SLIT1: variants seen among roughly 807,000 people sequenced by gnomAD.
The protein encoded by SLIT1 is slit guidance ligand 1.
SLIT1 carries 66 observed loss-of-function variants against 186.1 expected under a neutral mutation model. The ratio of observed to expected loss-of-function variants is 0.35; its 90% CI spans 0.29 to 0.44. The LOEUF (loss-of-function observed/expected upper bound fraction) is 0.44. SLIT1 is among the 20% of genes least tolerant of loss of function. The probability of loss-of-function intolerance (pLI) is 1.00; values close to 1 mark genes in which losing one functional copy is unlikely to be tolerated. For synonymous variants in SLIT1, 761 were observed against 833.8 expected (o/e 0.91, Z 1.50); for missense variants, 1,638 against 2,037.4 (o/e 0.80, Z 3.77).
intron 4 of SLIT1, among the ~76,000 whole-genome samples, chr10:97,141,025 T>C (rs1471010649): frequency 2.0e-5 from 3 of 152,122 alleles, no homozygotes; most frequent in African/African-American, 4.8e-5. Context: ...GAAACACCGC[T>C]TGGGTCGGCT....
rs1848504685 is a variant in SLIT1, at chr10:97,021,818, C to T, written c.2583-405G>A. Among the ~76,000 whole-genome samples, 1 of 152,314 alleles carries T rather than the reference C, an allele frequency of 6.6e-6. No individual in the cohort carries two copies. Among genetic ancestry groups the T allele is most frequent in the South Asian group, 2.1e-4 (1 of 4,822 alleles). On this transcript the variant is annotated intron_variant, in intron 25 of 36. Coordinates refer to ENST00000266058, the MANE Select transcript of SLIT1 (RefSeq NM_003061.3). This position sits in a 1 kb window ranked among gnomAD's most constrained non-coding sequence, Gnocchi z 4.5. Reference sequence around the variant, plus strand: ...ACTCAGGTTATCCACTCACCTCAGCCTCCCAAAGTGCTGGGATTACAGGCG... The same window carrying T: ...ACTCAGGTTATCCACTCACCTCAGCTTCCCAAAGTGCTGGGATTACAGGCG...
chr10:97,086,963 G>A (rs1454036374), intron 4 of SLIT1, among the ~76,000 whole-genome samples: 1 of 152,136 alleles, frequency 6.6e-6, no homozygotes, highest in Admixed American at 6.5e-5. Context: ...GTACGGCTCT[G>A]GTGGGGGATG....
At chr10:97,090,459 C>T (rs560474203) in intron 4 of SLIT1, among the ~76,000 whole-genome samples, 9 of 152,198 alleles carry the variant, frequency 5.9e-5, no homozygotes, top group South Asian at 2.1e-4. Context: ...GACTGGGTCA[C>T]GGAGAGCCTC....
intron 20 of SLIT1, 54 bp downstream of exon 20, chr10:97,042,847 C>T (rs1848701497): frequency 6.3e-7 from 1 of 1,581,978 alleles, no homozygotes; most frequent in Non-Finnish European, 8.6e-7. Context: ...TGCCCCACCC[C>T]ACTGGTTGGA....
chr10:97,081,113 G>C (rs1849100645), intron 4 of SLIT1, among the ~76,000 whole-genome samples: 1 of 152,222 alleles, frequency 6.6e-6, no homozygotes, highest in Non-Finnish European at 1.5e-5. Flanking sequence ...CAGACTCTTT[G>C]GGTTCTCCCG....
Position 97,004,033 on chromosome 10 carries a change from C to G in SLIT1, c.3865+35G>C, listed in dbSNP as rs1331339742. ...CTCTCCTGGCTGGCCTCAGGCCAGACAGCAAAAGAGGCCCCGCCAGGGCCA... is the reference window on the plus strand; with the variant it reads ...CTCTCCTGGCTGGCCTCAGGCCAGAGAGCAAAAGAGGCCCCGCCAGGGCCA... On this transcript the variant is annotated intron_variant, in intron 34 of 36. Coordinates refer to ENST00000266058, the MANE Select transcript of SLIT1 (RefSeq NM_003061.3). The surrounding 1 kb of genome is among the most constrained non-coding windows in gnomAD (Gnocchi z 5.1). 6.3e-7 allele frequency: 1 copy of G among 1,577,660 alleles called. No individual in the cohort carries two copies. The highest frequency in any genetic ancestry group is 8.7e-7 in the Non-Finnish European group (1 of 1,153,866).
chr10:97,053,998 T>C, intron 13 of SLIT1, among the ~76,000 whole-genome samples: 1 of 152,068 alleles, frequency 6.6e-6, no homozygotes, highest in East Asian at 1.9e-4. Flanking sequence ...TGTGTTTCTA[T>C]AAAGGAATAC....
At chr10:97,175,607 C>T (rs1362595760) in intron 1 of SLIT1, among the ~76,000 whole-genome samples, 1 of 152,126 alleles carries the variant, frequency 6.6e-6, no homozygotes, top group African/African-American at 2.4e-5. Flanking sequence ...GCTCTTAATC[C>T]CAACTCCATA....
chr10:97,010,869 C>G lies in SLIT1; in HGVS notation c.3341+124G>C, dbSNP rs1038614779. 5.5e-6 allele frequency: 5 copies of G among 909,732 alleles called. No homozygotes were observed. Among genetic ancestry groups the G allele is most frequent in the Non-Finnish European group, 6.6e-6 (4 of 601,656 alleles). The allele number at this position is 909,732 out of a possible 1,614,324, so 56.4% of individuals were successfully genotyped here. ...GTGACTGGCAGAGCCACGGTTAAAACCCCAGCATCCAACTTCCAGGCTCTG... is the reference window on the plus strand; with the variant it reads ...GTGACTGGCAGAGCCACGGTTAAAAGCCCAGCATCCAACTTCCAGGCTCTG... On this transcript the variant is annotated intron_variant, in intron 31 of 36. Transcript: ENST00000266058. This position sits in a 1 kb window ranked among gnomAD's most constrained non-coding sequence, Gnocchi z 4.8.
chr10:97,100,469 C>CA (rs368359881), intron 4 of SLIT1, among the ~76,000 whole-genome samples: 146 of 150,996 alleles, frequency 9.7e-4, no homozygotes, highest in African/African-American at 3.4e-3. Flanking sequence ...ACAAAAAATA[C>CA]AAAAAAAAGA....
chr10:97,045,818 C>T (rs983361765), intron 18 of SLIT1, among the ~76,000 whole-genome samples: 3 of 152,250 alleles, frequency 2.0e-5, no homozygotes, highest in African/African-American at 7.2e-5. Flanking sequence ...TGCTCAGAGA[C>T]AACTCTACAT....
At chr10:97,037,792 G>A (rs769433376) in intron 21 of SLIT1, 26 bp from the exon 22 acceptor site, 36 of 1,584,894 alleles carry the variant, frequency 2.3e-5, no homozygotes, top group Non-Finnish European at 1.7e-6. Flanking sequence ...AGCGGCGTTA[G>A]TGCCCATCTC....
chr10:97,083,879 A>T (rs1849129985), intron 4 of SLIT1, among the ~76,000 whole-genome samples: 1 of 152,160 alleles, frequency 6.6e-6, no homozygotes, highest in South Asian at 2.1e-4. Context: ...TCCGAGAATG[A>T]AGAGTGTGGT....
chr10:97,105,269 T>C (rs950064721), intron 4 of SLIT1, among the ~76,000 whole-genome samples: 4 of 152,186 alleles, frequency 2.6e-5, no homozygotes, highest in Non-Finnish European at 5.9e-5. Flanking sequence ...TGCAGGTAAG[T>C]TATTTGACAA....
chr10:97,042,839 C>A lies in SLIT1; in HGVS notation c.2164+62G>T. 1.9e-6 allele frequency: 3 copies of A among 1,556,802 alleles called. No homozygotes were observed. The South Asian group carries it at 3.6e-5, about 18-fold the overall frequency. On this transcript the variant is annotated intron_variant, in intron 20 of 36. Transcript: ENST00000266058. ...TGTCCACTCCCATCTTCCTCACCTG[C>A]CCCACCCCACTGGTTGGACCCAGGG...
At chr10:97,119,386 G>A (rs1343706417) in intron 4 of SLIT1, among the ~76,000 whole-genome samples, 3 of 152,180 alleles carry the variant, frequency 2.0e-5, no homozygotes, top group African/African-American at 7.2e-5. Context: ...CTGCCTCCGT[G>A]TTCTTCAATT....
intron 3 of SLIT1, among the ~76,000 whole-genome samples, chr10:97,161,901 C>A (rs2134724697): frequency 6.6e-6 from 1 of 152,276 alleles, no homozygotes; most frequent in East Asian, 1.9e-4. Context: ...TCTCTGTGTA[C>A]CTCTCTTTCT....
intron 25 of SLIT1, among the ~76,000 whole-genome samples, chr10:97,025,120 A>T (rs917567044): frequency 2.6e-5 from 4 of 152,102 alleles, no homozygotes; most frequent in Non-Finnish European, 5.9e-5. Context: ...AAATACAAAA[A>T]TTAGTTGGGC....
In SLIT1 at chr10:97,000,309, G is replaced by A. The variant is rs2134582330; in HGVS notation, c.*803C>T. On this transcript the variant is annotated 3_prime_UTR_variant, in exon 37 of 37. Coordinates refer to ENST00000266058, the MANE Select transcript of SLIT1 (RefSeq NM_003061.3). ...ACTCCTACTGTGGCCAGTGTCTGGA[G>A]GCAGATGATGTTTGTTTATCTAGAG... 6.6e-6 allele frequency: 1 copy of A among 152,466 alleles called. No homozygotes were observed. The highest frequency in any genetic ancestry group is 1.9e-4 in the East Asian group (1 of 5,194). 9.4% of individuals were successfully genotyped at this position (152,466 alleles called of 1,614,324 possible). A position where few individuals can be genotyped will look rare whatever the true frequency, so the allele number is the denominator to read the frequency against.
Sources: gnomAD v4.1 joint callset for allele counts (sites outside exome capture counted in the v4.1 genomes callset) on GRCh38, gnomAD v4.1.1 for gene constraint, Gnocchi (gnomAD v3.1) non-coding constraint, MANE v1.5 for transcripts, NCBI Gene and HGNC (gene_info 2026-07-23, HGNC 2026-07-21) for gene names.